COL23A1: variants seen among roughly 807,000 people sequenced by gnomAD.
COL23A1 encodes the protein collagen type XXIII alpha 1 chain.
Under a neutral mutation model 99.3 loss-of-function variants are expected in COL23A1, and 97 were observed. The observed-to-expected ratio is 0.98, with a 90% CI of 0.83 to 1.16. The LOEUF is 1.16. COL23A1 is among the 50% of genes most tolerant of loss of function. COL23A1 has a pLI of 0.00. For synonymous variants in COL23A1, 320 were observed against 308.2 expected (o/e 1.04, Z -0.40); for missense variants, 762 against 757.4 (o/e 1.01, Z -0.07).
Position 178,566,429 on chromosome 5 carries a change from A to G in COL23A1, c.295-5681T>C, listed in dbSNP as rs142597357. 3.4e-3 allele frequency among the ~76,000 whole-genome samples: 516 copies of G among 152,360 alleles called. 6 individuals are homozygous for G. The highest frequency in any genetic ancestry group is 0.011 in the African/African-American group (478 of 41,578). Reference sequence around the variant, plus strand: ...AAACCCAGGCTAGAATAACAAATCTAACTATACTAAAGTTGTATGGCATAA... The same window carrying G: ...AAACCCAGGCTAGAATAACAAATCTGACTATACTAAAGTTGTATGGCATAA... On this transcript the variant is annotated intron_variant, in intron 1 of 28. Coordinates refer to ENST00000390654, the MANE Select transcript of COL23A1 (RefSeq NM_173465.4).
At chr5:178,441,155 G>A (rs1040424507) in intron 2 of COL23A1, among the ~76,000 whole-genome samples, 7 of 152,274 alleles carry the variant, frequency 4.6e-5, no homozygotes, top group Admixed American at 4.6e-4. Context: ...TTGCAAGCAT[G>A]TTGATTAAAG....
chr5:178,550,910 G>A (rs568517187), intron 2 of COL23A1, among the ~76,000 whole-genome samples: 5 of 152,064 alleles, frequency 3.3e-5, no homozygotes, highest in African/African-American at 1.2e-4. Context: ...GTAAGTACTG[G>A]GTCAGTGGCA....
intron 2 of COL23A1, among the ~76,000 whole-genome samples, chr5:178,477,207 T>C (rs912939741): frequency 1.3e-5 from 2 of 150,280 alleles, no homozygotes; most frequent in African/African-American, 4.9e-5. Flanking sequence ...CTGGAAGAGG[T>C]TGTTTTCAGG....
At chr5:178,505,614 T>G (rs1180850693) in intron 2 of COL23A1, among the ~76,000 whole-genome samples, 2 of 152,162 alleles carry the variant, frequency 1.3e-5, no homozygotes, top group African/African-American at 2.4e-5. Flanking sequence ...AATCACCTCA[T>G]GTTAACTTGA....
chr5:178,529,552 C>G (rs1350596665), intron 2 of COL23A1, among the ~76,000 whole-genome samples: 1 of 152,212 alleles, frequency 6.6e-6, no homozygotes, highest in East Asian at 1.9e-4. Context: ...CAAAATCAAA[C>G]AAACAAAATT....
In COL23A1 at chr5:178,544,742, C is replaced by A. The variant is rs1196923101; in HGVS notation, c.361+15940G>T. ...GGCACTGTGGGCTCAGCCTCCAGGT[C>A]ACCTGCTGCCCCCGTGCCACTGGGG... On this transcript the variant is annotated intron_variant, in intron 2 of 28. Coordinates refer to ENST00000390654, the MANE Select transcript of COL23A1 (RefSeq NM_173465.4). This position sits in a 1 kb window ranked among gnomAD's most constrained non-coding sequence, Gnocchi z 4.4. Among the ~76,000 whole-genome samples the A allele has an allele frequency of 2.6e-5, 4 of 152,158 alleles. No homozygotes were observed. Among genetic ancestry groups the A allele is most frequent in the Non-Finnish European group, 5.9e-5 (4 of 68,024 alleles).
intron 2 of COL23A1, among the ~76,000 whole-genome samples, chr5:178,455,600 A>G (rs2672819): frequency 0.34 from 51,262 of 152,164 alleles, 9,162 homozygotes; most frequent in African/African-American, 0.42. Context: ...GTCCCCCTGC[A>G]TCAGCCTCCA....
chr5:178,549,775 A>C, intron 2 of COL23A1, among the ~76,000 whole-genome samples: 1 of 152,176 alleles, frequency 6.6e-6, no homozygotes, highest in Admixed American at 6.5e-5. Context: ...AGATTGCACC[A>C]TTGCACTCCA....
intron 2 of COL23A1, among the ~76,000 whole-genome samples, chr5:178,555,336 C>G (rs185388756): frequency 6.6e-6 from 1 of 152,278 alleles, no homozygotes; most frequent in East Asian, 1.9e-4. Context: ...ATAACACTCC[C>G]CATGCCCCAA....
At position 178,238,622 on chromosome 5, in the gene COL23A1, A is replaced by G. The variant is rs541226510; in HGVS notation, c.*76T>C. 6.3e-7 allele frequency: 1 copy of G among 1,575,588 alleles called. No individual in the cohort carries two copies. Among genetic ancestry groups the G allele is most frequent in the South Asian group, 1.1e-5 (1 of 90,184 alleles). On this transcript the variant is annotated 3_prime_UTR_variant, in exon 29 of 29. Transcript: ENST00000390654. ...TAGCGCATTCCATGAAAAAAGATCA[A>G]TATATTACTGTTTTGTTTTTACAAA... is the stretch of plus-strand genomic sequence containing the variant.
intron 3 of COL23A1, among the ~76,000 whole-genome samples, chr5:178,302,587 T>G (rs1392288405): frequency 6.6e-6 from 1 of 152,264 alleles, no homozygotes; most frequent in Non-Finnish European, 1.5e-5. Flanking sequence ...GGTGAGAGAC[T>G]GGGGCTCCAA....
chr5:178,332,813 C>A lies in COL23A1; in HGVS notation c.362-25894G>T, dbSNP rs539304699. 1.8e-4 allele frequency among the ~76,000 whole-genome samples: 27 copies of A among 152,074 alleles called. No homozygotes were observed. The South Asian group carries it at 3.7e-3, about 21-fold the overall frequency. On this transcript the variant is annotated intron_variant, in intron 2 of 28. Coordinates refer to ENST00000390654, the MANE Select transcript of COL23A1 (RefSeq NM_173465.4). ...GTAGGGGACTGTGATGCCCTGGAGA[C>A]GGGATATCCTATCTAGAGGGAGTGG...
chr5:178,356,907 C>G (rs1185257596), intron 2 of COL23A1, among the ~76,000 whole-genome samples: 1 of 152,182 alleles, frequency 6.6e-6, no homozygotes, highest in East Asian at 1.9e-4. Flanking sequence ...ACCCAGCACA[C>G]CCGTGCCCAC....
At position 178,306,928 on chromosome 5, in the gene COL23A1, G is replaced by C. The variant is rs771938984; in HGVS notation, c.362-9C>G. ...GCGCCGTCCAGGGGGCCCTAGACAGGAAAACAAGAATGCATTCATTGAGAA... is the reference window on the plus strand; with the variant it reads ...GCGCCGTCCAGGGGGCCCTAGACAGCAAAACAAGAATGCATTCATTGAGAA... On this transcript the variant is annotated splice_polypyrimidine_tract_variant and intron_variant, in intron 2 of 28. Transcript: ENST00000390654. This position sits in a 1 kb window ranked among gnomAD's most constrained non-coding sequence, Gnocchi z 4.1. The C allele has an allele frequency of 3.3e-6, 5 of 1,518,372 alleles. No individual in the cohort carries two copies. In the East Asian group the frequency reaches 1.3e-4, roughly 40 times the overall value. 94.1% of individuals were successfully genotyped at this position (1,518,372 alleles called of 1,614,324 possible). A position where few individuals can be genotyped will look rare whatever the true frequency, so the allele number is the denominator to read the frequency against.
At position 178,492,346 on chromosome 5, in the gene COL23A1, C is replaced by T. The variant is rs577198312; in HGVS notation, c.361+68336G>A. Among the ~76,000 whole-genome samples the T allele has an allele frequency of 1.2e-3, 190 of 152,168 alleles. No homozygotes were observed. The Middle Eastern group carries it at 0.024, about 19-fold the overall frequency. ...CGCCTACCCCAACGGGACCAGTGTC[C>T]TCCTGAGAAGAGAATGTTAGGACTC... On this transcript the variant is annotated intron_variant, in intron 2 of 28. Coordinates refer to ENST00000390654, the MANE Select transcript of COL23A1 (RefSeq NM_173465.4).
At chr5:178,554,986 C>A (rs1762191273) in intron 2 of COL23A1, among the ~76,000 whole-genome samples, 1 of 152,212 alleles carries the variant, frequency 6.6e-6, no homozygotes, top group South Asian at 2.1e-4. Flanking sequence ...TAAACAATAA[C>A]TCCCTGGGTT....
At chr5:178,266,644 T>C (rs1386422596) in intron 8 of COL23A1, among the ~76,000 whole-genome samples, 3 of 152,156 alleles carry the variant, frequency 2.0e-5, no homozygotes, top group Admixed American at 1.3e-4. Context: ...TGCAGAACAA[T>C]CTCACCAGCT....
intron 2 of COL23A1, among the ~76,000 whole-genome samples, chr5:178,334,958 G>A (rs371974001): frequency 3.3e-5 from 5 of 152,250 alleles, no homozygotes; most frequent in African/African-American, 1.2e-4. Flanking sequence ...AGACTTGGAT[G>A]GGGCTGATGA....
chr5:178,590,316 C>T lies in COL23A1; in HGVS notation c.-119G>A. 1 of 930,358 alleles carries T rather than the reference C, an allele frequency of 1.1e-6. No homozygotes were observed. Among genetic ancestry groups the T allele is most frequent in the Non-Finnish European group, 1.4e-6 (1 of 735,720 alleles). The allele number at this position is 930,358 out of a possible 1,614,324, so 57.6% of individuals were successfully genotyped here. A position where few individuals can be genotyped will look rare whatever the true frequency, so the allele number is the denominator to read the frequency against. On this transcript the variant is annotated 5_prime_UTR_variant, in exon 1 of 29. Coordinates refer to ENST00000390654, the MANE Select transcript of COL23A1 (RefSeq NM_173465.4). The surrounding 1 kb of genome is among the most constrained non-coding windows in gnomAD (Gnocchi z 5.7). ...AGGTCCGCCGGGCGCGGGGGTTAGC[C>T]TCCGGGTAGCAGCGGATCGCCGCGC...
Sources: allele counts gnomAD v4.1 joint callset (sites outside exome capture counted in the v4.1 genomes callset), GRCh38; gene constraint gnomAD v4.1.1; non-coding constraint Gnocchi (gnomAD v3.1); transcripts MANE v1.5; gene names NCBI Gene and HGNC (gene_info 2026-07-23, HGNC 2026-07-21).